KHDRBS2: variants seen among roughly 807,000 people sequenced by gnomAD.
KHDRBS2 encodes KH RNA binding domain containing, signal transduction associated 2, also known as KH domain-containing, RNA-binding, signal transduction-associated protein 2.
KHDRBS2 carries 26 observed loss-of-function variants against 44.3 expected under a neutral mutation model. That is an observed-to-expected ratio of 0.59 (90% CI 0.43 to 0.81). KHDRBS2 has a LOEUF of 0.81. Among genes scored for constraint, KHDRBS2 ranks in the 40% least tolerant of loss-of-function variants. The probability of loss-of-function intolerance (pLI) is 0.00; values close to 1 mark genes in which losing one functional copy is unlikely to be tolerated. For synonymous variants in KHDRBS2, 194 were observed against 151.1 expected (o/e 1.28, Z -2.08); for missense variants, 476 against 433.1 (o/e 1.10, Z -0.88).
At chr6:62,200,245 T>C (rs1826649618) in intron 1 of KHDRBS2, among the ~76,000 whole-genome samples, 4 of 152,200 alleles carry the variant, frequency 2.6e-5, no homozygotes, top group Non-Finnish European at 4.4e-5. Context: ...GGGATCTAAT[T>C]AAACTAAAGA....
At chr6:61,943,791 A>T (rs1293750037) in intron 4 of KHDRBS2, among the ~76,000 whole-genome samples, 1 of 152,214 alleles carries the variant, frequency 6.6e-6, no homozygotes, top group African/African-American at 2.4e-5. Flanking sequence ...AAGGAATGCA[A>T]ACAACTCAAC....
chr6:61,865,578 G>T (rs1033246491), intron 6 of KHDRBS2, among the ~76,000 whole-genome samples: 3 of 152,090 alleles, frequency 2.0e-5, no homozygotes, highest in African/African-American at 7.2e-5. Context: ...GGGAATTCAA[G>T]ATGGCATCTG....
At chr6:62,053,515 TAATG>T in intron 2 of KHDRBS2, among the ~76,000 whole-genome samples, 1 of 152,126 alleles carries the variant, frequency 6.6e-6, no homozygotes, top group East Asian at 1.9e-4. Flanking sequence ...ATTAACAAAT[TAATG>T]AATAAAAAGG....
At chr6:62,086,846 T>C (rs1354404747) in intron 2 of KHDRBS2, among the ~76,000 whole-genome samples, 8 of 151,986 alleles carry the variant, frequency 5.3e-5, no homozygotes, top group East Asian at 3.9e-4. Flanking sequence ...GCAGCCACTA[T>C]ACCCTCTCCA....
chr6:62,110,896 T>TA (rs1042221110), intron 2 of KHDRBS2, among the ~76,000 whole-genome samples: 31 of 151,978 alleles, frequency 2.0e-4, no homozygotes, highest in East Asian at 9.7e-4. Flanking sequence ...GCTGTTAAAT[T>TA]AAAAAAAAGT....
the KHDRBS2 span, among the ~76,000 whole-genome samples, chr6:61,641,075 G>A: frequency 1.3e-5 from 2 of 152,038 alleles, no homozygotes; most frequent in Non-Finnish European, 2.9e-5. Flanking sequence ...AACCTCCAAA[G>A]AAGTGCTCTG....
intron 2 of KHDRBS2, among the ~76,000 whole-genome samples, chr6:62,091,468 A>G (rs1799486338): frequency 2.0e-5 from 3 of 152,194 alleles, no homozygotes; most frequent in South Asian, 4.1e-4. Flanking sequence ...TAAGTTACTT[A>G]AATGGGGCAG....
At chr6:61,612,404 CCTT>C in the KHDRBS2 span, among the ~76,000 whole-genome samples, 1 of 152,114 alleles carries the variant, frequency 6.6e-6, no homozygotes, top group Non-Finnish European at 1.5e-5. Context: ...TAAATATAGA[CCTT>C]ATGGTCATTT....
Position 61,954,754 on chromosome 6 carries a change from G to A in KHDRBS2, c.483+23312C>T, listed in dbSNP as rs375199943. The stretch of plus-strand genomic sequence containing the variant: ...TACATACATATGTGTATATACACAT[G>A]CATATGTATGTATACATACATATGT... On this transcript the variant is annotated intron_variant, in intron 4 of 8. Coordinates refer to ENST00000281156, the MANE Select transcript of KHDRBS2 (RefSeq NM_152688.4). Among the ~76,000 whole-genome samples the A allele has an allele frequency of 4.0e-3, 294 of 74,136 alleles. 82 individuals are homozygous for A. The highest frequency in any genetic ancestry group is 8.7e-3 in the African/African-American group (195 of 22,406). The allele number at this position is 74,136 out of a possible 152,430, so 48.6% of individuals were successfully genotyped here.
chr6:61,610,833 A>G, the KHDRBS2 span, among the ~76,000 whole-genome samples: 1 of 152,226 alleles, frequency 6.6e-6, no homozygotes, highest in African/African-American at 2.4e-5. Context: ...GAGAAGTACC[A>G]AATAATTTGT....
rs11397447 is a variant in KHDRBS2, at chr6:62,045,949, C to CAA, written c.336+1927_336+1928dup. Among the ~76,000 whole-genome samples the CAA allele has an allele frequency of 2.8e-3, 379 of 133,438 alleles. 2 individuals are homozygous for CAA. The highest frequency in any genetic ancestry group is 6.5e-3 in the South Asian group (28 of 4,304). 87.5% of individuals were successfully genotyped at this position (133,438 alleles called of 152,430 possible). A position where few individuals can be genotyped will look rare whatever the true frequency, so the allele number is the denominator to read the frequency against. ...ATCATTCAAAAGCAAGCAAGTGGAA[C>CAA]AAAAAAAAAAAAGAAAGAAAAAGAA... On this transcript the variant is annotated intron_variant, in intron 3 of 8. Coordinates refer to ENST00000281156, the MANE Select transcript of KHDRBS2 (RefSeq NM_152688.4).
At position 61,706,520 on chromosome 6, in the gene KHDRBS2, G is replaced by A. The variant is rs148581432; in HGVS notation, c.894-9267C>T. On this transcript the variant is annotated intron_variant, in intron 7 of 8. Transcript: ENST00000281156. ...AACTATGCCAGGTAATGAGGCTTGG[G>A]TTTAAGGTATGGAAATTTGAGATCA... Among the ~76,000 whole-genome samples the A allele has an allele frequency of 2.6e-5, 4 of 151,864 alleles. No individual in the cohort carries two copies. In the East Asian group the frequency reaches 7.8e-4, roughly 30 times the overall value.
At chr6:62,208,948 T>C (rs189838942) in intron 1 of KHDRBS2, among the ~76,000 whole-genome samples, 1 of 152,172 alleles carries the variant, frequency 6.6e-6, no homozygotes, top group Non-Finnish European at 1.5e-5. Flanking sequence ...TTGGCAATGA[T>C]TTTTTGTATA....
intron 6 of KHDRBS2, among the ~76,000 whole-genome samples, chr6:61,748,243 C>A (rs117375241): frequency 0.018 from 2,768 of 152,282 alleles, 127 homozygotes; most frequent in East Asian, 0.13. Flanking sequence ...CCTGCCTTGG[C>A]CTCACGGAGT....
chr6:61,928,130 GA>G (rs1446510829), intron 4 of KHDRBS2, among the ~76,000 whole-genome samples: 4 of 152,040 alleles, frequency 2.6e-5, no homozygotes, highest in Non-Finnish European at 5.9e-5. Flanking sequence ...AAAATGCTGA[GA>G]ATTTTCACAG....
intron 1 of KHDRBS2, among the ~76,000 whole-genome samples, chr6:62,214,073 T>C (rs1443265925): frequency 6.6e-6 from 1 of 152,120 alleles, no homozygotes; most frequent in Non-Finnish European, 1.5e-5. Flanking sequence ...AACAGCTTTA[T>C]CTTCTATCTC....
intron 1 of KHDRBS2, among the ~76,000 whole-genome samples, chr6:62,194,858 CA>C (rs2150133861): frequency 6.6e-6 from 1 of 152,062 alleles, no homozygotes; most frequent in South Asian, 2.1e-4. Flanking sequence ...ATTTACTACA[CA>C]AAGTATGAGT....
intron 7 of KHDRBS2, among the ~76,000 whole-genome samples, chr6:61,720,011 G>A (rs1364758912): frequency 6.6e-6 from 1 of 151,930 alleles, no homozygotes; most frequent in East Asian, 1.9e-4. Context: ...TCCCACCTAT[G>A]AGTGAGAATA....
the KHDRBS2 span, among the ~76,000 whole-genome samples, chr6:61,549,807 T>C: frequency 1.3e-5 from 2 of 152,204 alleles, no homozygotes; most frequent in Non-Finnish European, 2.9e-5. Context: ...ACCTAGCAAC[T>C]AATCTTTAAT....
Sources: gnomAD v4.1 joint callset for allele counts (sites outside exome capture counted in the v4.1 genomes callset) on GRCh38, gnomAD v4.1.1 for gene constraint, MANE v1.5 for transcripts, NCBI Gene and HGNC (gene_info 2026-07-23, HGNC 2026-07-21) for gene names.